SLIT2: variants seen among roughly 807,000 people sequenced by gnomAD.
SLIT2 encodes slit homolog 2 protein.
SLIT2 carries 41 observed loss-of-function variants against 185.7 expected under a neutral mutation model. That is an observed-to-expected ratio of 0.22 (90% CI 0.17 to 0.29). The LOEUF (loss-of-function observed/expected upper bound fraction) is 0.29. SLIT2 is among the 10% of genes least tolerant of loss of function. The pLI is 1.00. For missense variants in SLIT2, 1,571 were observed against 1,909.0 expected, an observed-to-expected ratio of 0.82 and a Z score of 3.30; for synonymous variants, 693 against 680.2, an observed-to-expected ratio of 1.02 and a Z score of -0.29.
intron 29 of SLIT2, among the ~76,000 whole-genome samples, chr4:20,582,220 G>A (rs1484477915): frequency 6.6e-6 from 1 of 152,190 alleles, no homozygotes; most frequent in Non-Finnish European, 1.5e-5. Flanking sequence ...TAGGGCTCCT[G>A]TTCTTCATGC....
At chr4:20,285,740 GT>G (rs1182179620) in intron 4 of SLIT2, among the ~76,000 whole-genome samples, 2 of 152,122 alleles carry the variant, frequency 1.3e-5, no homozygotes, top group Non-Finnish European at 2.9e-5. Flanking sequence ...TAAAGATGGT[GT>G]TTCACCATAT....
chr4:20,441,688 A>G (rs1729766089), intron 4 of SLIT2, among the ~76,000 whole-genome samples: 1 of 152,116 alleles, frequency 6.6e-6, no homozygotes, highest in Non-Finnish European at 1.5e-5. Flanking sequence ...GTTTGCTCGG[A>G]AACAGTCACT....
At chr4:20,491,148 G>C (rs531461226) in intron 8 of SLIT2, among the ~76,000 whole-genome samples, 2 of 152,130 alleles carry the variant, frequency 1.3e-5, no homozygotes, top group South Asian at 4.1e-4. Flanking sequence ...GCCCCCAAAA[G>C]AATAATTTTT....
chr4:20,321,976 T>C (rs1020822992), intron 4 of SLIT2, among the ~76,000 whole-genome samples: 1 of 149,844 alleles, frequency 6.7e-6, no homozygotes, highest in African/African-American at 2.5e-5. Context: ...TAAATAAGAA[T>C]CTGGAGGGGT....
At position 20,608,956 on chromosome 4, in the gene SLIT2, A is replaced by G. The variant is rs575271033; in HGVS notation, c.3693-1057A>G. Reference sequence around the variant, plus strand: ...GTTAGATCTTTAATAATCACCATTAACTTTTTGATCTCAACTTCCATTATG... The same window carrying G: ...GTTAGATCTTTAATAATCACCATTAGCTTTTTGATCTCAACTTCCATTATG... On this transcript the variant is annotated intron_variant, in intron 33 of 36. Transcript: ENST00000504154. Among the ~76,000 whole-genome samples, 21 of 152,234 alleles carry G rather than the reference A, an allele frequency of 1.4e-4. No individual in the cohort carries two copies. In the South Asian group the frequency reaches 1.5e-3, roughly 11 times the overall value.
At position 20,252,863 on chromosome 4, in the gene SLIT2, A is replaced by G. The variant is rs1051453098; in HGVS notation, c.-953A>G. ...ACTCCTTCCGGTCTGCCTGGTTTTT[A>G]AGTCCGCCCCCAGTCAGTCCCCACT... On this transcript the variant is annotated 5_prime_UTR_variant, in exon 1 of 37. Coordinates refer to ENST00000504154, the MANE Select transcript of SLIT2 (RefSeq NM_004787.4). Among the ~76,000 whole-genome samples, 5 of 151,922 alleles carry G rather than the reference A, an allele frequency of 3.3e-5. No individual in the cohort carries two copies. The highest frequency in any genetic ancestry group is 9.7e-5 in the African/African-American group (4 of 41,372).
chr4:20,578,336 A>G (rs1233313469), intron 29 of SLIT2, among the ~76,000 whole-genome samples: 1 of 152,180 alleles, frequency 6.6e-6, no homozygotes, highest in Non-Finnish European at 1.5e-5. Context: ...TAGGTTGCTT[A>G]TTTTGATATC....
At chr4:20,322,113 G>T (rs948270143) in intron 4 of SLIT2, among the ~76,000 whole-genome samples, 1 of 152,110 alleles carries the variant, frequency 6.6e-6, no homozygotes, top group Non-Finnish European at 1.5e-5. Context: ...TTCCAGACTT[G>T]TATTTCCTGC....
chr4:20,554,959 G>T (rs143650038), intron 26 of SLIT2, among the ~76,000 whole-genome samples: 2 of 151,892 alleles, frequency 1.3e-5, no homozygotes, highest in Admixed American at 1.3e-4. Context: ...TAGTAGAGAC[G>T]GGGTTTCACC....
At chr4:20,542,651 C>G (rs764970507) in intron 21 of SLIT2, 25 bp downstream of exon 21, 3 of 1,609,324 alleles carry the variant, frequency 1.9e-6, no homozygotes, top group South Asian at 1.1e-5. Flanking sequence ...TCTTTCTTTT[C>G]TTTTCTTTTT....
intron 4 of SLIT2, among the ~76,000 whole-genome samples, chr4:20,397,285 T>C (rs546796594): frequency 6.6e-6 from 1 of 151,934 alleles, no homozygotes; most frequent in South Asian, 2.1e-4. Context: ...TCATTGTCTT[T>C]GTTTCCCTTT....
chr4:20,587,016 TAAAG>T (rs1727118918), intron 29 of SLIT2, among the ~76,000 whole-genome samples: 1 of 151,640 alleles, frequency 6.6e-6, no homozygotes, highest in Non-Finnish European at 1.5e-5. Context: ...TCGGTGATAA[TAAAG>T]AAAATCAAAT....
chr4:20,600,412 C>CTT (rs1560230010), intron 33 of SLIT2, among the ~76,000 whole-genome samples: 1 of 125,632 alleles, frequency 8.0e-6, no homozygotes, highest in African/African-American at 3.4e-5. Flanking sequence ...TATTATGTTG[C>CTT]ATTTTTTTTT....
chr4:20,451,830 G>C (rs910525338), intron 4 of SLIT2, among the ~76,000 whole-genome samples: 2 of 152,218 alleles, frequency 1.3e-5, no homozygotes, highest in African/African-American at 4.8e-5. Flanking sequence ...TTTCAAGCAA[G>C]TGGAAGGGTT....
Position 20,253,949 on chromosome 4 carries a change from C to T in SLIT2, c.134C>T (p.Ala45Val), listed in dbSNP as rs1416625423. The change falls in exon 1 of 37, where the codon GCG (alanine) becomes GTG (valine). Residue 45 changes from alanine (A) to valine (V), a missense_variant. This residue lies in a region of SLIT2 where 1,202 missense variants were observed against 1,416.4 expected (regional missense o/e 0.85). Transcript: ENST00000504154. Reference protein sequence around the residue: ...SGSTVDCHGLALRSVPRNIPR... With the variant: ...SGSTVDCHGLVLRSVPRNIPR... ...AGCACAGTGGACTGTCACGGGCTGG[C>T]GCTGCGCAGCGTGCCCAGGAATATC... 1 of 1,602,918 alleles carries T rather than the reference C, an allele frequency of 6.2e-7. No homozygotes were observed.
chr4:20,480,970 A>G (rs1403460842), intron 6 of SLIT2, among the ~76,000 whole-genome samples, 183 bp downstream of exon 6: 1 of 152,144 alleles, frequency 6.6e-6, no homozygotes, highest in Non-Finnish European at 1.5e-5. Context: ...CTTGCGTACC[A>G]TATCTGTATA....
chr4:20,431,366 A>G (rs1728959975), intron 4 of SLIT2, among the ~76,000 whole-genome samples: 1 of 152,176 alleles, frequency 6.6e-6, no homozygotes, highest in Non-Finnish European at 1.5e-5. Flanking sequence ...CTATATTTAA[A>G]GTAAATATTT....
At chr4:20,451,421 G>C (rs1712461438) in intron 4 of SLIT2, among the ~76,000 whole-genome samples, 1 of 152,084 alleles carries the variant, frequency 6.6e-6, no homozygotes, top group Admixed American at 6.6e-5. Flanking sequence ...CAGCTAAAAG[G>C]AATGCTATAA....
chr4:20,493,867 C>A (rs1356139932), intron 9 of SLIT2, among the ~76,000 whole-genome samples: 1 of 152,146 alleles, frequency 6.6e-6, no homozygotes, highest in Admixed American at 6.6e-5. Flanking sequence ...AATGAAACTA[C>A]AGAGATGAGG....
Sources: gnomAD v4.1 joint callset for allele counts (sites outside exome capture counted in the v4.1 genomes callset) on GRCh38, gnomAD v4.1.1 for gene constraint, gnomAD v4.1.1 regional missense constraint, MANE v1.5 for transcripts, NCBI Gene and HGNC (gene_info 2026-07-23, HGNC 2026-07-21) for gene names.